LIN52: variants seen among roughly 807,000 people sequenced by gnomAD.
LIN52 encodes the protein protein lin-52 homolog.
In LIN52, 4 loss-of-function variants were observed where a neutral mutation model predicts 18.5. The observed-to-expected ratio is 0.22, with a 90% CI of 0.11 to 0.49. The LOEUF (loss-of-function observed/expected upper bound fraction) is 0.49, where lower values mean the gene tolerates loss of function less well. Ranked by LOEUF, LIN52 falls within the 20% of genes least tolerant of loss-of-function variation. LIN52 has a pLI of 0.97. For missense variants in LIN52, 102 were observed against 139.5 expected (o/e 0.73, Z 1.35); for synonymous variants, 34 against 45.5 (o/e 0.75, Z 1.02).
At chr14:74,107,848 TC>T (rs2060906307) in intron 5 of LIN52, among the ~76,000 whole-genome samples, 1 of 152,216 alleles carries the variant, frequency 6.6e-6, no homozygotes, top group Non-Finnish European at 1.5e-5. Flanking sequence ...GGTTTTTTTC[TC>T]TTTTTTTTGG....
intron 5 of LIN52, among the ~76,000 whole-genome samples, chr14:74,140,832 G>A (rs2061126439): frequency 6.6e-6 from 1 of 152,204 alleles, no homozygotes; most frequent in South Asian, 2.1e-4. Context: ...TGGCTCTCCT[G>A]AGATCTTTAT....
Position 74,184,190 on chromosome 14 carries a change from C to T in LIN52, c.284-14732C>T, listed in dbSNP as rs553385105. On this transcript the variant is annotated intron_variant, in intron 5 of 5. Coordinates refer to ENST00000555028, the MANE Select transcript of LIN52 (RefSeq NM_001024674.3). ...TGACATCCTGGGCTCAAGTGATCCT[C>T]CCACCTCAGCCTCCCAAGTAGCTGG... 3.9e-5 allele frequency among the ~76,000 whole-genome samples: 6 copies of T among 152,314 alleles called. No individual in the cohort carries two copies. The East Asian group carries it at 1.2e-3, about 29-fold the overall frequency.
At chr14:74,122,662 T>G (rs930267950) in intron 5 of LIN52, among the ~76,000 whole-genome samples, 2 of 152,110 alleles carry the variant, frequency 1.3e-5, no homozygotes, top group African/African-American at 4.8e-5. Context: ...GGTCAGGAGT[T>G]TGAGATCAGC....
chr14:74,180,218 A>C (rs963386774), intron 5 of LIN52, among the ~76,000 whole-genome samples: 3 of 151,872 alleles, frequency 2.0e-5, no homozygotes, highest in Admixed American at 2.0e-4. Flanking sequence ...ACCGAGGACA[A>C]ACTCTTGGTG....
chr14:74,179,557 G>A (rs1194464923), intron 5 of LIN52, among the ~76,000 whole-genome samples: 1 of 151,770 alleles, frequency 6.6e-6, no homozygotes, highest in African/African-American at 2.4e-5. Flanking sequence ...TACTCGGGAG[G>A]CTGCGGCAGA....
chr14:74,137,580 C>T (rs1196330425), intron 5 of LIN52, among the ~76,000 whole-genome samples: 1 of 147,886 alleles, frequency 6.8e-6, no homozygotes, highest in South Asian at 2.2e-4. Context: ...CTCACCACAA[C>T]CTCTCCCTCC....
chr14:74,178,749 C>T (rs774489828), intron 5 of LIN52, among the ~76,000 whole-genome samples: 2 of 151,682 alleles, frequency 1.3e-5, no homozygotes, highest in Non-Finnish European at 2.9e-5. Context: ...TGTGAGCCAC[C>T]ACACCCAGGC....
chr14:74,197,101 C>T (rs769619722), intron 5 of LIN52, among the ~76,000 whole-genome samples: 32 of 152,188 alleles, frequency 2.1e-4, no homozygotes, highest in Non-Finnish European at 8.8e-5. Flanking sequence ...AAGCAAGGCA[C>T]ATTTAAAAAG....
At chr14:74,157,799 G>A (rs2061206089) in intron 5 of LIN52, among the ~76,000 whole-genome samples, 1 of 152,134 alleles carries the variant, frequency 6.6e-6, no homozygotes, top group African/African-American at 2.4e-5. Context: ...GTGCCTTCCT[G>A]ACACTGATCC....
intron 5 of LIN52, among the ~76,000 whole-genome samples, chr14:74,110,539 G>T (rs540376631): frequency 6.6e-6 from 1 of 152,076 alleles, no homozygotes; most frequent in Non-Finnish European, 1.5e-5. Flanking sequence ...GCATGGTGGC[G>T]CACGCCCATA....
intron 5 of LIN52, among the ~76,000 whole-genome samples, chr14:74,111,194 T>C (rs542121720): frequency 3.9e-5 from 6 of 152,212 alleles, no homozygotes; most frequent in Non-Finnish European, 7.4e-5. Context: ...CATTTACATT[T>C]AGAAGTTGTT....
intron 4 of LIN52, 61 bp downstream of exon 4, chr14:74,097,921 CTATT>C (rs1243213639): frequency 3.2e-6 from 4 of 1,264,066 alleles, no homozygotes; most frequent in Non-Finnish European, 4.5e-6. Context: ...GACCACCTCT[CTATT>C]TTTTTTTTCT....
At chr14:74,175,922 G>T (rs998146834) in intron 5 of LIN52, among the ~76,000 whole-genome samples, 1 of 152,042 alleles carries the variant, frequency 6.6e-6, no homozygotes, top group Non-Finnish European at 1.5e-5. Context: ...CAGGATTACA[G>T]TGAGCCATGA....
intron 5 of LIN52, among the ~76,000 whole-genome samples, chr14:74,121,725 C>CTT (rs11332437): frequency 2.1e-5 from 3 of 142,216 alleles, no homozygotes; most frequent in Non-Finnish European, 4.6e-5. Flanking sequence ...CCTTCACTTT[C>CTT]TTTTTTTTTT....
At chr14:74,175,529 C>CA (rs781699088) in intron 5 of LIN52, among the ~76,000 whole-genome samples, 1,632 of 132,838 alleles carry the variant, frequency 0.012, 16 homozygotes, top group African/African-American at 0.031. Flanking sequence ...CCTGTCTCTA[C>CA]AAAAAAAAAA....
At chr14:74,140,680 A>G (rs893222459) in intron 5 of LIN52, among the ~76,000 whole-genome samples, 4 of 152,206 alleles carry the variant, frequency 2.6e-5, no homozygotes, top group African/African-American at 9.6e-5. Context: ...AAGAACCCGC[A>G]CGTGGCTGCC....
At chr14:74,179,865 G>A (rs1449620024) in intron 5 of LIN52, among the ~76,000 whole-genome samples, 1 of 152,146 alleles carries the variant, frequency 6.6e-6, no homozygotes, top group Non-Finnish European at 1.5e-5. Context: ...GAAACAAAAT[G>A]AAAGAGCCTG....
intron 5 of LIN52, among the ~76,000 whole-genome samples, chr14:74,185,309 CTTT>C (rs71115969): frequency 1.3e-5 from 1 of 78,786 alleles, no homozygotes; most frequent in African/African-American, 5.3e-5. Flanking sequence ...ATAATGATTT[CTTT>C]TTTTTTTTTT....
intron 5 of LIN52, among the ~76,000 whole-genome samples, chr14:74,127,644 A>G (rs1349713421): frequency 6.6e-6 from 1 of 152,252 alleles, no homozygotes; most frequent in African/African-American, 2.4e-5. Flanking sequence ...AGTCATTGCA[A>G]TAGCTAAGAC....
Sources: gnomAD v4.1 joint callset for allele counts (sites outside exome capture counted in the v4.1 genomes callset) on GRCh38, gnomAD v4.1.1 for gene constraint, MANE v1.5 for transcripts, NCBI Gene and HGNC (gene_info 2026-07-23, HGNC 2026-07-21) for gene names.